The following ZFYVE1 variants were observed in gnomAD, a reference collection of about 807,000 sequenced individuals.
ZFYVE1 encodes zinc finger FYVE-type containing 1.
In ZFYVE1, 30 loss-of-function variants were observed where a neutral mutation model predicts 74.4. The ratio of observed to expected loss-of-function variants is 0.40; its 90% CI spans 0.30 to 0.55. The LOEUF is 0.55. Among genes scored for constraint, ZFYVE1 ranks in the 20% least tolerant of loss-of-function variants. The probability of loss-of-function intolerance (pLI) is 0.42; values close to 1 mark genes in which losing one functional copy is unlikely to be tolerated. For missense variants in ZFYVE1, 703 were observed against 1,011.6 expected (o/e 0.69, Z 4.14); for synonymous variants, 335 against 385.1 (o/e 0.87, Z 1.52).
At chr14:72,994,599 A>G (rs1357172123) in intron 3 of ZFYVE1, among the ~76,000 whole-genome samples, 3 of 152,042 alleles carry the variant, frequency 2.0e-5, no homozygotes, top group Non-Finnish European at 4.4e-5. Flanking sequence ...TTTTTTCCCA[A>G]AAACCCATTC....
In ZFYVE1 at chr14:73,024,331, G is replaced by T. The variant is rs1894408470; in HGVS notation, c.178C>A (p.Arg60=). 4.3e-6 allele frequency: 7 copies of T among 1,614,026 alleles called. No individual in the cohort carries two copies. In the East Asian group the frequency reaches 1.6e-4, roughly 36 times the overall value. Residue 60 remains arginine (R), a synonymous_variant, in exon 2 of 12, where the codon CGG becomes AGG. Transcript: ENST00000556143. ...ACATGGCCAGGTTTGAGTCTTATCCGCTCATGGTTTCTCAGGCGCTCCTGC... is the reference window on the plus strand; with the variant it reads ...ACATGGCCAGGTTTGAGTCTTATCCTCTCATGGTTTCTCAGGCGCTCCTGC... ...HRQERLRNHE[R]IRLKPGHVPY...
intron 2 of ZFYVE1, among the ~76,000 whole-genome samples, chr14:73,012,626 A>G (rs1035853462): frequency 6.6e-6 from 1 of 152,164 alleles, no homozygotes; most frequent in Non-Finnish European, 1.5e-5. Context: ...CGTCTCAAAA[A>G]AAAAGAACTG....
rs1276563085 is a variant in ZFYVE1 at position 73,027,069 on chromosome 14, T to A, written c.-578A>T. 1 of 399,488 alleles carries A rather than the reference T, an allele frequency of 2.5e-6. No individual in the cohort carries two copies. Among genetic ancestry groups the A allele is most frequent in the East Asian group, 3.6e-5 (1 of 28,098 alleles). The allele number at this position is 399,488 out of a possible 1,614,324, so 24.7% of individuals were successfully genotyped here. A position where few individuals can be genotyped will look rare whatever the true frequency, so the allele number is the denominator to read the frequency against. On this transcript the variant is annotated 5_prime_UTR_variant, in exon 1 of 12. Coordinates refer to ENST00000556143, the MANE Select transcript of ZFYVE1 (RefSeq NM_021260.4). ...CTCCTTCGTTGCCTCCCGGGCTTCCTCCTCTCCTGTTGTCAGTTGGGATCA... is the reference window on the plus strand; with the variant it reads ...CTCCTTCGTTGCCTCCCGGGCTTCCACCTCTCCTGTTGTCAGTTGGGATCA...
chr14:72,987,836 A>G (rs1364004935), intron 4 of ZFYVE1, among the ~76,000 whole-genome samples: 1 of 152,134 alleles, frequency 6.6e-6, no homozygotes, highest in Non-Finnish European at 1.5e-5. Flanking sequence ...TAAGCCAGCT[A>G]GAAAAAAAGG....
chr14:73,006,369 G>A (rs1308570587), intron 2 of ZFYVE1, among the ~76,000 whole-genome samples: 1 of 152,002 alleles, frequency 6.6e-6, no homozygotes, highest in African/African-American at 2.4e-5. Context: ...GAAGCAGGGA[G>A]TTCGAGACCA....
chr14:72,972,581 C>T (rs117985645), intron 11 of ZFYVE1, among the ~76,000 whole-genome samples: 1,957 of 152,348 alleles, frequency 0.013, 22 homozygotes, highest in Non-Finnish European at 0.021. Context: ...CAATGTGCCA[C>T]GCTGCCCCAG....
intron 2 of ZFYVE1, among the ~76,000 whole-genome samples, chr14:73,019,912 C>T (rs900356914): frequency 3.3e-5 from 5 of 150,530 alleles, no homozygotes; most frequent in East Asian, 3.9e-4. Flanking sequence ...GATCACACCA[C>T]GGCACTCCAG....
intron 2 of ZFYVE1, among the ~76,000 whole-genome samples, chr14:73,018,871 G>C: frequency 6.6e-6 from 1 of 151,748 alleles, no homozygotes; most frequent in African/African-American, 2.4e-5. Flanking sequence ...TTGAACCCAG[G>C]AGGCGGAGGT....
At position 72,994,765 on chromosome 14, in the gene ZFYVE1, A is replaced by G. The variant is rs533926270; in HGVS notation, c.989-1408T>C. On this transcript the variant is annotated intron_variant, in intron 3 of 11. Coordinates refer to ENST00000556143, the MANE Select transcript of ZFYVE1 (RefSeq NM_021260.4). Reference sequence around the variant, plus strand: ...TATATATGCAACTTGCTCTTTTCTCACTTAATAACATACTGTAAGTACCTG... The same window carrying G: ...TATATATGCAACTTGCTCTTTTCTCGCTTAATAACATACTGTAAGTACCTG... Among the ~76,000 whole-genome samples, 265 of 152,290 alleles carry G rather than the reference A, an allele frequency of 1.7e-3. 2 individuals carry two copies. Among genetic ancestry groups the G allele is most frequent in the African/African-American group, 5.9e-3 (244 of 41,566 alleles).
chr14:72,984,437 G>A (rs949954900), intron 4 of ZFYVE1, among the ~76,000 whole-genome samples: 1 of 151,872 alleles, frequency 6.6e-6, no homozygotes, highest in African/African-American at 2.4e-5. Context: ...ACTGAGGCAG[G>A]AGAATCATTT....
At chr14:72,988,400 C>T (rs983537918) in intron 4 of ZFYVE1, among the ~76,000 whole-genome samples, 4 of 151,850 alleles carry the variant, frequency 2.6e-5, no homozygotes, top group East Asian at 2.0e-4. Flanking sequence ...GTCTCGAACT[C>T]GTGACCTCAG....
At chr14:72,993,489 G>A (rs959267880) in intron 3 of ZFYVE1, 132 bp from the exon 4 acceptor site, 1 of 702,766 alleles carries the variant, frequency 1.4e-6, no homozygotes. Flanking sequence ...GATCACCCGA[G>A]GTCAGGAGTT....
intron 5 of ZFYVE1, among the ~76,000 whole-genome samples, chr14:72,980,845 C>T (rs1181041169): frequency 6.6e-6 from 1 of 152,270 alleles, no homozygotes; most frequent in Admixed American, 6.5e-5. Context: ...CGTAAGCCAC[C>T]GTGCCCGGCC....
At chr14:72,998,812 C>T (rs1415744511) in intron 2 of ZFYVE1, among the ~76,000 whole-genome samples, 1 of 150,572 alleles carries the variant, frequency 6.6e-6, no homozygotes, top group African/African-American at 2.4e-5. Context: ...GACAGTGCTA[C>T]TGCACTCCAG....
chr14:72,993,342 AC>A lies in ZFYVE1; in HGVS notation c.1003del (p.Val335CysfsTer48). 1.2e-6 allele frequency: 2 copies of A among 1,611,862 alleles called. No individual in the cohort carries two copies. Among genetic ancestry groups the A allele is most frequent in the Non-Finnish European group, 1.7e-6 (2 of 1,179,550 alleles). ...QLLGSDHPSE[V>X]PEKLIQDRFR... ...CCGGTCCTGGATGAGCTTCTCTGGCACCTCTGAGGGATGATCTATACAAGCA... is the reference window on the plus strand; with the variant it reads ...CCGGTCCTGGATGAGCTTCTCTGGCACTCTGAGGGATGATCTATACAAGCA... On this transcript the variant is annotated frameshift_variant, in exon 4 of 12. Coordinates refer to ENST00000556143, the MANE Select transcript of ZFYVE1 (RefSeq NM_021260.4). LOFTEE classifies it high-confidence loss of function.
chr14:72,991,975 C>T (rs1367039012), intron 4 of ZFYVE1, among the ~76,000 whole-genome samples: 2 of 151,434 alleles, frequency 1.3e-5, no homozygotes, highest in African/African-American at 4.9e-5. Flanking sequence ...GGGACAATCT[C>T]GGCTCACTGC....
intron 2 of ZFYVE1, among the ~76,000 whole-genome samples, chr14:73,005,520 G>A (rs1651919573): frequency 6.6e-6 from 1 of 152,160 alleles, no homozygotes; most frequent in African/African-American, 2.4e-5. Flanking sequence ...TCTTCCCCAA[G>A]CTTGCTAGGC....
rs1349942578 is a variant in ZFYVE1, at chr14:73,014,773, T to C, written c.483+9253A>G. 3.3e-5 allele frequency among the ~76,000 whole-genome samples: 5 copies of C among 152,348 alleles called. No individual in the cohort carries two copies. The East Asian group carries it at 9.6e-4, about 29-fold the overall frequency. On this transcript the variant is annotated intron_variant, in intron 2 of 11. Transcript: ENST00000556143. ...TCCTGAAGGATTTCCTTCTGTTATG[T>C]TATCTACCAGCTAATCTCAAACAAG...
rs1031129332 is a variant in ZFYVE1 at position 72,975,487 on chromosome 14, G to A, written c.1806+64C>T. ...CCCTCACAGAACAAGCTTAGCACAG[G>A]GCAAAGCGGCATTAAGTAGGATGGG... On this transcript the variant is annotated intron_variant, in intron 9 of 11. Coordinates refer to ENST00000556143, the MANE Select transcript of ZFYVE1 (RefSeq NM_021260.4). This position sits in a 1 kb window ranked among gnomAD's most constrained non-coding sequence, Gnocchi z 4.1. The A allele has an allele frequency of 7.1e-6, 11 of 1,550,070 alleles. No homozygotes were observed. In the Admixed American group the frequency reaches 7.7e-5, roughly 11 times the overall value.
Sources: allele counts gnomAD v4.1 joint callset (sites outside exome capture counted in the v4.1 genomes callset), GRCh38; gene constraint gnomAD v4.1.1; non-coding constraint Gnocchi (gnomAD v3.1); transcripts MANE v1.5; gene names NCBI Gene and HGNC (gene_info 2026-07-23, HGNC 2026-07-21).